Variants in CDH4 observed in about 807,000 individuals in gnomAD.
The protein encoded by CDH4 is cadherin-4.
CDH4 carries 33 observed loss-of-function variants against 86.0 expected under a neutral mutation model. The observed-to-expected ratio is 0.38, with a 90% CI of 0.29 to 0.51. CDH4 has a LOEUF of 0.51. CDH4 is among the 20% of genes least tolerant of loss of function. The pLI, the probability that CDH4 is intolerant of heterozygous loss-of-function variation, is 0.86. For synonymous variants in CDH4, 555 were observed against 549.4 expected (o/e 1.01, Z -0.14); for missense variants, 1,114 against 1,307.4 (o/e 0.85, Z 2.28).
chr20:61,331,672 A>C (rs1600873151), intron 2 of CDH4, among the ~76,000 whole-genome samples: 4 of 24,612 alleles, frequency 1.6e-4, no homozygotes, highest in East Asian at 1.7e-3. Flanking sequence ...CCCCAGGCTC[A>C]CCTCCTGCCC....
At chr20:61,283,470 T>C (rs1302463560) in intron 2 of CDH4, among the ~76,000 whole-genome samples, 1 of 130,952 alleles carries the variant, frequency 7.6e-6, no homozygotes, top group African/African-American at 2.9e-5. Context: ...TTTGCACGCG[T>C]GTGCTGTGGT....
chr20:61,275,718 G>A (rs559690660), intron 2 of CDH4, among the ~76,000 whole-genome samples: 64 of 151,918 alleles, frequency 4.2e-4, no homozygotes, highest in African/African-American at 1.1e-3. Context: ...GTTTGGGGGC[G>A]TATCATGTGC....
In CDH4 at chr20:61,929,677, G is replaced by A. The variant is rs145396679; in HGVS notation, c.2074G>A (p.Val692Ile). 3.2e-5 allele frequency: 52 copies of A among 1,613,948 alleles called. No individual in the cohort carries two copies. The highest frequency in any genetic ancestry group is 8.0e-5 in the African/African-American group (6 of 74,900). The change falls in exon 13 of 16, where the codon GTC becomes ATC. Residue 692 changes from valine (V) to isoleucine (I), a missense_variant. This residue lies in a region of CDH4 where 705 missense variants were observed against 914.1 expected (regional missense o/e 0.77). Coordinates refer to ENST00000614565, the MANE Select transcript of CDH4 (RefSeq NM_001794.5). Reference protein sequence around the residue: ...EAGMYDVPIIVTDSGNPPLSN... With the variant: ...EAGMYDVPIIITDSGNPPLSN... The stretch of plus-strand genomic sequence containing the variant: ...CGGGATGTATGACGTCCCCATCATC[G>A]TCACAGACTCTGGAAACCCTCCCCT...
At chr20:61,659,414 G>A (rs1171679249) in intron 2 of CDH4, among the ~76,000 whole-genome samples, 1 of 152,258 alleles carries the variant, frequency 6.6e-6, no homozygotes, top group East Asian at 1.9e-4. Flanking sequence ...GAAGAGAGGG[G>A]CTGCGCTGCC....
rs1568688415 is a variant in CDH4, at chr20:61,565,212, TCTC to T, written c.170-178350_170-178348del. Among the ~76,000 whole-genome samples, 8 of 24,666 alleles carry T rather than the reference TCTC, an allele frequency of 3.2e-4. 1 individual carries two copies. Among genetic ancestry groups the T allele is most frequent in the African/African-American group, 6.1e-4 (3 of 4,882 alleles). 16.2% of individuals were successfully genotyped at this position (24,666 alleles called of 152,430 possible). A position where few individuals can be genotyped will look rare whatever the true frequency, so the allele number is the denominator to read the frequency against. On this transcript the variant is annotated intron_variant, in intron 2 of 15. Transcript: ENST00000614565. ...GTCCTCTTGGTGGTGGTCGCGGTGC[TCTC>T]GGTGGTAGGTGGTGGTGGTGGTGGT...
At chr20:61,627,551 G>C (rs935763849) in intron 2 of CDH4, among the ~76,000 whole-genome samples, 4 of 152,320 alleles carry the variant, frequency 2.6e-5, no homozygotes, top group African/African-American at 9.6e-5. Flanking sequence ...GAGCAGATGT[G>C]CCCGCATGGA....
chr20:61,287,949 C>T (rs1205022196), intron 2 of CDH4, among the ~76,000 whole-genome samples: 2 of 152,108 alleles, frequency 1.3e-5, no homozygotes, highest in Non-Finnish European at 2.9e-5. Flanking sequence ...GTTCCTTGCA[C>T]CCCAGAGTGT....
intron 2 of CDH4, among the ~76,000 whole-genome samples, chr20:61,667,534 C>T (rs1239428114): frequency 3.9e-5 from 6 of 152,222 alleles, no homozygotes; most frequent in Admixed American, 3.9e-4. Context: ...TGGCATAATG[C>T]GCCCAGACGG....
intron 2 of CDH4, among the ~76,000 whole-genome samples, chr20:61,359,414 C>A (rs1053430512): frequency 3.3e-5 from 5 of 152,314 alleles, no homozygotes; most frequent in Admixed American, 1.3e-4. Context: ...GGGCACCAGG[C>A]TCCCCTGGGA....
intron 8 of CDH4, among the ~76,000 whole-genome samples, chr20:61,908,878 G>A (rs372071094): frequency 6.6e-6 from 1 of 152,220 alleles, no homozygotes; most frequent in Non-Finnish European, 1.5e-5. Context: ...TGGAAGGTCA[G>A]GCTCCTGGGT....
intron 4 of CDH4, among the ~76,000 whole-genome samples, chr20:61,839,143 G>A (rs965455336): frequency 1.1e-4 from 16 of 152,242 alleles, no homozygotes; most frequent in African/African-American, 3.9e-4. Flanking sequence ...CCTTCTGGAA[G>A]AACTTGATCC....
Position 61,928,190 on chromosome 20 carries a change from G to A in CDH4, c.1772G>A (p.Gly591Glu), listed in dbSNP as rs1380511790. Residue 591 changes from glycine to glutamate, a missense_variant and splice_region_variant, in exon 12 of 16, where the codon GGG (glycine) becomes GAG (glutamate). This residue lies in a region of CDH4 where 705 missense variants were observed against 914.1 expected (regional missense o/e 0.77). Coordinates refer to ENST00000614565, the MANE Select transcript of CDH4 (RefSeq NM_001794.5). ...YEATFLAADN[G>E]IPPASGTGTL... ...GTGGTGACCTGTGTCTGTTCCACAG[G>A]GATACCCCCGGCCAGCGGCACCGGG... is the stretch of plus-strand genomic sequence containing the variant. 6.9e-6 allele frequency: 11 copies of A among 1,599,362 alleles called. No individual in the cohort carries two copies. Among genetic ancestry groups the A allele is most frequent in the Non-Finnish European group, 8.5e-6 (10 of 1,179,550 alleles).
chr20:61,817,923 T>C (rs1278023027), intron 4 of CDH4, among the ~76,000 whole-genome samples: 1 of 152,192 alleles, frequency 6.6e-6, no homozygotes, highest in Non-Finnish European at 1.5e-5. Context: ...AGTTGGGACT[T>C]CTTGACCTCC....
rs12626068 is a variant in CDH4 at position 61,392,963 on chromosome 20, G to A, written c.169+138026G>A. On this transcript the variant is annotated intron_variant, in intron 2 of 15. Coordinates refer to ENST00000614565, the MANE Select transcript of CDH4 (RefSeq NM_001794.5). The surrounding 1 kb of genome is among the most constrained non-coding windows in gnomAD (Gnocchi z 5.7). The stretch of plus-strand genomic sequence containing the variant: ...ACCCCGATACCCACCAAGGGCAGCC[G>A]AGCCTCCTGCTTGAGCACATGCCTT... Among the ~76,000 whole-genome samples the A allele has an allele frequency of 0.26, 40,085 of 151,922 alleles. 5,861 individuals carry two copies. Among genetic ancestry groups the A allele is most frequent in the African/African-American group, 0.39 (16,207 of 41,404 alleles).
At chr20:61,385,430 T>C (rs6061607) in intron 2 of CDH4, among the ~76,000 whole-genome samples, 37,342 of 151,822 alleles carry the variant, frequency 0.25, 4,957 homozygotes, top group African/African-American at 0.34. Context: ...GCTGAATTCA[T>C]TGTGCCACTG....
chr20:61,786,208 T>C (rs1255222644), intron 4 of CDH4, among the ~76,000 whole-genome samples: 1 of 152,032 alleles, frequency 6.6e-6, no homozygotes, highest in Non-Finnish European at 1.5e-5. Context: ...GGCACTTCCA[T>C]TGGCCCATCA....
At chr20:61,743,887 A>T in intron 3 of CDH4, 98 bp downstream of exon 3, 1 of 890,546 alleles carries the variant, frequency 1.1e-6, no homozygotes, top group Non-Finnish European at 1.8e-6. Context: ...CACAGGACAG[A>T]CAGTCACCTC....
At chr20:61,386,284 C>G (rs1029168233) in intron 2 of CDH4, among the ~76,000 whole-genome samples, 3 of 152,196 alleles carry the variant, frequency 2.0e-5, no homozygotes, top group African/African-American at 7.2e-5. Flanking sequence ...TCGGTCTCCT[C>G]CAAAGGCATG....
rs1016237645 is a variant in CDH4, at chr20:61,445,129, C to T, written c.169+190192C>T. On this transcript the variant is annotated intron_variant, in intron 2 of 15. Coordinates refer to ENST00000614565, the MANE Select transcript of CDH4 (RefSeq NM_001794.5). Reference sequence around the variant, plus strand: ...TCCCTAGTCTTTTTTCTCCACTCTTCCCCCACTCCCTATTGCAAGAATCCC... The same window carrying T: ...TCCCTAGTCTTTTTTCTCCACTCTTTCCCCACTCCCTATTGCAAGAATCCC... Among the ~76,000 whole-genome samples, 4 of 152,090 alleles carry T rather than the reference C, an allele frequency of 2.6e-5. No individual in the cohort carries two copies. The South Asian group carries it at 6.2e-4, about 24-fold the overall frequency.
Sources: allele counts gnomAD v4.1 joint callset (sites outside exome capture counted in the v4.1 genomes callset), GRCh38; gene constraint gnomAD v4.1.1; regional missense constraint gnomAD v4.1.1; non-coding constraint Gnocchi (gnomAD v3.1); transcripts MANE v1.5; gene names NCBI Gene and HGNC (gene_info 2026-07-23, HGNC 2026-07-21).